The following RGS6 variants were observed in gnomAD, a reference collection of about 807,000 sequenced individuals.
RGS6 encodes the protein regulator of G-protein signaling 6.
Under a neutral mutation model 78.5 loss-of-function variants are expected in RGS6, and 30 were observed. The observed-to-expected ratio is 0.38, with a 90% CI of 0.29 to 0.52. The LOEUF is 0.52. Ranked by LOEUF, RGS6 falls within the 20% of genes least tolerant of loss-of-function variation. The probability of loss-of-function intolerance (pLI) is 0.85; values close to 1 mark genes in which losing one functional copy is unlikely to be tolerated. For synonymous variants in RGS6, 206 were observed against 206.0 expected (o/e 1.00, Z 0.00); for missense variants, 495 against 609.7 (o/e 0.81, Z 1.98).
At chr14:72,205,962 A>T (rs1176639316) in intron 2 of RGS6, among the ~76,000 whole-genome samples, 1 of 152,232 alleles carries the variant, frequency 6.6e-6, no homozygotes, top group Admixed American at 6.5e-5. Flanking sequence ...TGTACTATTT[A>T]TCAGAATTTA....
Position 72,012,468 on chromosome 14 carries a change from A to G in RGS6, c.84+47593A>G, listed in dbSNP as rs138716174. On this transcript the variant is annotated intron_variant, in intron 2 of 17. Coordinates refer to ENST00000553525, the MANE Select transcript of RGS6 (RefSeq NM_001204424.2). Reference sequence around the variant, plus strand: ...CCATATATTTTAATGGCCTTATTATATGAACATATAAAAATAATTTATTTT... The same window carrying G: ...CCATATATTTTAATGGCCTTATTATGTGAACATATAAAAATAATTTATTTT... 3.8e-3 allele frequency among the ~76,000 whole-genome samples: 586 copies of G among 152,352 alleles called. 2 individuals are homozygous for G. The highest frequency in any genetic ancestry group is 6.9e-3 in the Non-Finnish European group (468 of 68,030).
chr14:72,198,938 T>C (rs916577087), intron 2 of RGS6, among the ~76,000 whole-genome samples: 2 of 152,256 alleles, frequency 1.3e-5, no homozygotes, highest in African/African-American at 4.8e-5. Flanking sequence ...CAGAAATTAC[T>C]TCAGAAACGT....
chr14:72,550,705 T>TGGTTTTACACCTGATGGA lies in RGS6; in HGVS notation c.1422+10635_1422+10652dup, dbSNP rs527809835. The TGGTTTTACACCTGATGGA allele has an allele frequency of 4.8e-5, 67 of 1,403,822 alleles. No individual in the cohort carries two copies. The African/African-American group carries it at 6.7e-4, about 14-fold the overall frequency. 87.0% of individuals were successfully genotyped at this position (1,403,822 alleles called of 1,614,324 possible). ...GCCTTTGTGAGTCATCACAATCCGG[T>TGGTTTTACACCTGATGGA]GGTTTTACACCTGATGGAGGTTTTA... On this transcript the variant is annotated intron_variant, in intron 17 of 17. Transcript: ENST00000553525.
intron 2 of RGS6, among the ~76,000 whole-genome samples, chr14:72,052,988 TC>T (rs376583193): frequency 0.095 from 6,129 of 64,572 alleles, 256 homozygotes; most frequent in East Asian, 0.18. Flanking sequence ...TTTCTTTCTC[TC>T]TCTCTCTCTC....
chr14:71,889,016 T>C, the RGS6 span, among the ~76,000 whole-genome samples: 1 of 152,306 alleles, frequency 6.6e-6, no homozygotes, highest in East Asian at 1.9e-4. Context: ...TCACTGGAGA[T>C]ACCAAAGATG....
At chr14:72,044,821 C>T (rs1162663860) in intron 2 of RGS6, among the ~76,000 whole-genome samples, 9 of 152,114 alleles carry the variant, frequency 5.9e-5, no homozygotes, top group East Asian at 3.9e-4. Flanking sequence ...TGCAGTGAGC[C>T]GAGATGATGC....
intron 2 of RGS6, among the ~76,000 whole-genome samples, chr14:72,274,069 G>A (rs2060322599): frequency 6.6e-6 from 1 of 152,190 alleles, no homozygotes; most frequent in African/African-American, 2.4e-5. Context: ...GATGGTGGCT[G>A]TGCCCAGATC....
At chr14:71,976,300 G>A (rs2332702) in intron 2 of RGS6, among the ~76,000 whole-genome samples, 9,024 of 146,024 alleles carry the variant, frequency 0.062, 887 homozygotes, top group African/African-American at 0.22. Flanking sequence ...TAGGGTACAT[G>A]TGCACATTGT....
chr14:72,391,965 A>G (rs2090096602), intron 3 of RGS6, among the ~76,000 whole-genome samples: 1 of 152,160 alleles, frequency 6.6e-6, no homozygotes, highest in African/African-American at 2.4e-5. Flanking sequence ...TCCATGGTGT[A>G]TATGTGCCAC....
At chr14:72,141,781 T>G (rs2096542718) in intron 2 of RGS6, among the ~76,000 whole-genome samples, 1 of 152,108 alleles carries the variant, frequency 6.6e-6, no homozygotes, top group Non-Finnish European at 1.5e-5. Flanking sequence ...TCTCTGTATA[T>G]TCCCTCTTAG....
intron 12 of RGS6, among the ~76,000 whole-genome samples, chr14:72,488,649 A>G (rs2096531480): frequency 6.6e-6 from 1 of 152,324 alleles, no homozygotes; most frequent in East Asian, 1.9e-4. Context: ...AGCTGCCTTC[A>G]TTGCCATGCA....
chr14:72,511,987 G>T (rs1486517390), intron 14 of RGS6, among the ~76,000 whole-genome samples: 1 of 152,124 alleles, frequency 6.6e-6, no homozygotes, highest in African/African-American at 2.4e-5. Context: ...CCCTGTATAG[G>T]AAGGAAGGCT....
intron 2 of RGS6, among the ~76,000 whole-genome samples, chr14:72,188,537 A>C (rs1344120681): frequency 6.6e-6 from 1 of 152,168 alleles, no homozygotes; most frequent in Non-Finnish European, 1.5e-5. Context: ...AAAAATTACC[A>C]ATAATCCCAC....
chr14:72,240,977 T>C (rs981041823), intron 2 of RGS6, among the ~76,000 whole-genome samples: 4 of 151,848 alleles, frequency 2.6e-5, no homozygotes, highest in African/African-American at 7.3e-5. Flanking sequence ...GCCAACATGG[T>C]GAAACCGTGT....
chr14:71,884,270 G>A, the RGS6 span, among the ~76,000 whole-genome samples: 2 of 152,224 alleles, frequency 1.3e-5, no homozygotes. Context: ...TAGAATGTGG[G>A]CAAAGGAGAG....
At chr14:72,002,236 C>T (rs1484241719) in intron 2 of RGS6, among the ~76,000 whole-genome samples, 2 of 152,052 alleles carry the variant, frequency 1.3e-5, no homozygotes, top group Admixed American at 1.3e-4. Context: ...GAGATAGGCA[C>T]CCCAAGTAGG....
chr14:72,025,579 A>G (rs1298736578), intron 2 of RGS6, among the ~76,000 whole-genome samples: 1 of 152,034 alleles, frequency 6.6e-6, no homozygotes, highest in African/African-American at 2.4e-5. Context: ...AGAGTCTTTT[A>G]TTTCAGACCT....
chr14:72,466,037 TA>T (rs1339741472), intron 7 of RGS6, among the ~76,000 whole-genome samples: 2 of 151,784 alleles, frequency 1.3e-5, no homozygotes, highest in African/African-American at 2.4e-5. Flanking sequence ...AACTCAACAA[TA>T]AAAAAATAAG....
intron 15 of RGS6, among the ~76,000 whole-genome samples, chr14:72,532,586 T>C (rs1022876536): frequency 6.6e-6 from 1 of 152,368 alleles, no homozygotes; most frequent in South Asian, 2.1e-4. Context: ...AGGCCTCTTA[T>C]GCCAAACAGC....
Sources: allele counts gnomAD v4.1 joint callset (sites outside exome capture counted in the v4.1 genomes callset), GRCh38; gene constraint gnomAD v4.1.1; transcripts MANE v1.5; gene names NCBI Gene and HGNC (gene_info 2026-07-23, HGNC 2026-07-21).